The following IGFN1 variants were observed in gnomAD, a reference collection of about 807,000 sequenced individuals.
IGFN1 encodes the protein immunoglobulin like and fibronectin type III domain containing 1.
IGFN1 carries 253 observed loss-of-function variants against 289.5 expected under a neutral mutation model. That is an observed-to-expected ratio of 0.87 (90% CI 0.79 to 0.97). The LOEUF is 0.97. Among genes scored for constraint, IGFN1 ranks in the 50% least tolerant of loss-of-function variants. The probability of loss-of-function intolerance (pLI) is 0.00; values close to 1 mark genes in which losing one functional copy is unlikely to be tolerated. For missense variants in IGFN1, 4,470 were observed against 4,686.1 expected, an observed-to-expected ratio of 0.95 and a Z score of 1.35; for synonymous variants, 1,706 against 1,788.5, an observed-to-expected ratio of 0.95 and a Z score of 1.16.
At chr1:201,214,116 G>T in intron 12 of IGFN1, 61 bp from the exon 13 acceptor site, 1 of 1,494,850 alleles carries the variant, frequency 6.7e-7, no homozygotes, top group Non-Finnish European at 8.9e-7. Context: ...GCCTTGCGGG[G>T]CACAGCGCAG....
chr1:201,224,441 C>G (rs943136939), intron 20 of IGFN1, among the ~76,000 whole-genome samples: 5 of 152,116 alleles, frequency 3.3e-5, no homozygotes, highest in East Asian at 1.9e-4. Context: ...CGAACCTCTT[C>G]GTCCAACTTC....
intron 1 of IGFN1, among the ~76,000 whole-genome samples, chr1:201,191,167 G>A (rs1283382466): frequency 2.0e-5 from 3 of 152,140 alleles, no homozygotes; most frequent in South Asian, 2.1e-4. Flanking sequence ...TTCTGGACAC[G>A]GCTTGACTTT....
intron 8 of IGFN1, 27 bp downstream of exon 8, chr1:201,200,438 C>A (rs1667103341): frequency 2.0e-6 from 3 of 1,533,728 alleles, no homozygotes; most frequent in Non-Finnish European, 2.6e-6. Context: ...CCACCCCTCA[C>A]TCCATGCCCA....
rs1200084316 is a variant in IGFN1, at chr1:201,207,481, G to A, written c.2588G>A (p.Gly863Glu). 6.5e-7 allele frequency: 1 copy of A among 1,531,590 alleles called. No individual in the cohort carries two copies. The highest frequency in any genetic ancestry group is 1.4e-5 in the African/African-American group (1 of 72,752). The allele number at this position is 1,531,590 out of a possible 1,614,324, so 94.9% of individuals were successfully genotyped here. Residue 863 changes from glycine (G) to glutamate (E), a missense_variant, in exon 12 of 24, where the codon GGA becomes GAA. Physicochemically the swap from Gly to Glu is moderately conservative, Grantham distance 98. Around this residue, in one of 8 missense-constraint regions of IGFN1, gnomAD observed 2,011 missense variants for 1,953.4 expected, o/e 1.03. Transcript: ENST00000335211. The stretch of plus-strand genomic sequence containing the variant: ...GGGCCTGGAGTGCTGGGGCCCAGTG[G>A]AGGACAAGAGGGTATGGGTGGTATC... ...HHGPGVLGPSGGQEGMGGIWV... is the reference protein window; with the variant it reads ...HHGPGVLGPSEGQEGMGGIWV...
chr1:201,224,940 C>G (rs922984039), intron 21 of IGFN1, 66 bp downstream of exon 21: 59 of 1,242,360 alleles, frequency 4.7e-5, no homozygotes, highest in Non-Finnish European at 6.0e-5. Flanking sequence ...AAGAGGTGTC[C>G]ACTGGTCTGA....
chr1:201,214,302 G>T lies in IGFN1; in HGVS notation c.8853+1G>T, dbSNP rs976836478. 3.7e-6 allele frequency: 6 copies of T among 1,605,824 alleles called. No homozygotes were observed. The Admixed American group carries it at 6.7e-5, about 18-fold the overall frequency. ...CACCTGGTTTAAGGATGGCGTCAAGGTACTGCCTCCCCTCACACCTTCTCT... is the reference window on the plus strand; with the variant it reads ...CACCTGGTTTAAGGATGGCGTCAAGTTACTGCCTCCCCTCACACCTTCTCT... On this transcript the variant is annotated splice_donor_variant, in intron 13 of 23. Transcript: ENST00000335211. LOFTEE classifies it high-confidence loss of function.
At chr1:201,216,353 G>A in intron 15 of IGFN1, 101 bp from the exon 16 acceptor site, 1 of 931,884 alleles carries the variant, frequency 1.1e-6, no homozygotes, top group Non-Finnish European at 1.6e-6. Flanking sequence ...GTGGATGGGG[G>A]TGGGGGGGAG....
intron 17 of IGFN1, among the ~76,000 whole-genome samples, chr1:201,218,230 T>C (rs1422802369): frequency 6.6e-6 from 1 of 152,216 alleles, no homozygotes; most frequent in African/African-American, 2.4e-5. Flanking sequence ...ATTTAGTGAT[T>C]CTGCTTTATT....
At position 201,206,414 on chromosome 1, in the gene IGFN1, A is replaced by G. The variant is rs754408277; in HGVS notation, c.1521A>G (p.Gln507=). 31 of 1,550,860 alleles carry G rather than the reference A, an allele frequency of 2.0e-5. No individual in the cohort carries two copies. In the South Asian group the frequency reaches 2.5e-4, roughly 12 times the overall value. Residue 507 remains glutamine (Q), a synonymous_variant, in exon 12 of 24, where the codon CAA becomes CAG. Transcript: ENST00000335211. ...GSRATLPREN[Q]SHREGGWARS... is the part of the protein sequence containing the mutation. Reference sequence around the variant, plus strand: ...GAGCCACTCTTCCCAGGGAAAATCAATCCCACAGAGAGGGAGGCTGGGCCA... The same window carrying G: ...GAGCCACTCTTCCCAGGGAAAATCAGTCCCACAGAGAGGGAGGCTGGGCCA...
intron 18 of IGFN1, among the ~76,000 whole-genome samples, chr1:201,219,868 T>C (rs1394054007): frequency 6.6e-6 from 1 of 152,190 alleles, no homozygotes; most frequent in Non-Finnish European, 1.5e-5. Flanking sequence ...TGCAACTTAC[T>C]CCTTGCAAAT....
At chr1:201,192,016 C>T (rs1558130127) in intron 1 of IGFN1, among the ~76,000 whole-genome samples, 1 of 152,192 alleles carries the variant, frequency 6.6e-6, no homozygotes, top group Non-Finnish European at 1.5e-5. Context: ...GCAGCCCTCC[C>T]CCTGGCCGTG....
At chr1:201,224,905 G>C in intron 21 of IGFN1, 31 bp downstream of exon 21, 1 of 1,551,492 alleles carries the variant, frequency 6.4e-7, no homozygotes, top group African/African-American at 1.4e-5. Flanking sequence ...GGCTCTGGAC[G>C]CTGGCTCGGC....
Position 201,228,415 on chromosome 1 carries a change from G to A in IGFN1, c.*16G>A. 6.2e-7 allele frequency: 1 copy of A among 1,613,662 alleles called. No individual in the cohort carries two copies. The highest frequency in any genetic ancestry group is 2.2e-5 in the East Asian group (1 of 44,876). On this transcript the variant is annotated 3_prime_UTR_variant, in exon 24 of 24. Transcript: ENST00000335211. ...CAGCACCTAGCCTCACCTCACCCTGGGATGGTCCTGGACCCTTGAAGCTTC... is the reference window on the plus strand; with the variant it reads ...CAGCACCTAGCCTCACCTCACCCTGAGATGGTCCTGGACCCTTGAAGCTTC...
chr1:201,211,140 G>A lies in IGFN1; in HGVS notation c.6247G>A (p.Gly2083Arg). The part of the protein sequence containing the change: ...DLGAPKGMGS[G>R]SKTGFRDGLG... ...AGGGGCTCCTAAGGGAATGGGTTCA[G>A]GGAGTAAGACAGGTTTCAGGGATGG... is the stretch of plus-strand genomic sequence containing the variant. The change falls in exon 12 of 24, where the codon GGG (glycine) becomes AGG (arginine). Residue 2083 changes from glycine (G) to arginine (R), a missense_variant. Around this residue, in one of 8 missense-constraint regions of IGFN1, gnomAD observed 2,218 missense variants for 2,114.1 expected, o/e 1.05. Coordinates refer to ENST00000335211, the MANE Select transcript of IGFN1 (RefSeq NM_001164586.2). The A allele has an allele frequency of 6.5e-7, 1 of 1,529,666 alleles. No individual in the cohort carries two copies. Among genetic ancestry groups the A allele is most frequent in the South Asian group, 1.2e-5 (1 of 83,792 alleles). The allele number at this position is 1,529,666 out of a possible 1,614,324, so 94.8% of individuals were successfully genotyped here.
chr1:201,212,691 G>T lies in IGFN1; in HGVS notation c.7798G>T (p.Asp2600Tyr). ...GSSVGTGQDL[D>Y]SGSMPGGRGK... is the part of the protein sequence containing the mutation. ...TTCAGTGGGGACAGGTCAGGATCTG[G>T]ACAGCGGCTCTATGCCTGGGGGAAG... The change falls in exon 12 of 24, where the codon GAC (aspartate) becomes TAC (tyrosine). Residue 2600 changes from aspartate (D) to tyrosine (Y), a missense_variant. This residue lies in a region of IGFN1 where 2,218 missense variants were observed against 2,114.1 expected (regional missense o/e 1.05). Transcript: ENST00000335211. 1 of 1,548,516 alleles carries T rather than the reference G, an allele frequency of 6.5e-7. No individual in the cohort carries two copies. The highest frequency in any genetic ancestry group is 8.7e-7 in the Non-Finnish European group (1 of 1,145,266).
At chr1:201,219,952 T>C (rs1026100650) in intron 18 of IGFN1, among the ~76,000 whole-genome samples, 5 of 149,512 alleles carry the variant, frequency 3.3e-5, no homozygotes, top group Non-Finnish European at 7.4e-5. Flanking sequence ...TCCTTCTTTC[T>C]CTCTCTCCTT....
intron 8 of IGFN1, among the ~76,000 whole-genome samples, chr1:201,201,176 T>C (rs910396191): frequency 6.6e-6 from 1 of 152,184 alleles, no homozygotes; most frequent in African/African-American, 2.4e-5. Context: ...ATTTCACAGT[T>C]CCCATTAGCA....
At chr1:201,224,623 C>T (rs1653958752) in intron 20 of IGFN1, 56 bp from the exon 21 acceptor site, 3 of 1,489,522 alleles carry the variant, frequency 2.0e-6, no homozygotes, top group Admixed American at 1.7e-5. Flanking sequence ...AATGCCATCA[C>T]CTCCATGAAA....
Position 201,209,189 on chromosome 1 carries a change from G to C in IGFN1, c.4296G>C (p.Glu1432Asp). ...ATAGGGAGGATTTGGGGGCTCCTGA[G>C]GGAATGGGCACAGGGAGCAAGGCAG... The part of the protein sequence containing the change: ...SGYREDLGAP[E>D]GMGTGSKAGY... Residue 1432 changes from glutamate (E) to aspartate (D), a missense_variant, in exon 12 of 24, where the codon GAG becomes GAC. Glu to Asp is a conservative substitution (Grantham distance 45). This residue lies in a region of IGFN1 where 2,011 missense variants were observed against 1,953.4 expected (regional missense o/e 1.03). Coordinates refer to ENST00000335211, the MANE Select transcript of IGFN1 (RefSeq NM_001164586.2). 3.3e-6 allele frequency: 5 copies of C among 1,502,888 alleles called. No homozygotes were observed. The highest frequency in any genetic ancestry group is 1.4e-5 in the African/African-American group (1 of 71,854). The allele number at this position is 1,502,888 out of a possible 1,614,324, so 93.1% of individuals were successfully genotyped here.
Sources: gnomAD v4.1 joint callset for allele counts (sites outside exome capture counted in the v4.1 genomes callset) on GRCh38, gnomAD v4.1.1 for gene constraint, gnomAD v4.1.1 regional missense constraint, MANE v1.5 for transcripts, NCBI Gene and HGNC (gene_info 2026-07-23, HGNC 2026-07-21) for gene names.